The following PPP3CB variants were observed in gnomAD, a reference collection of about 807,000 sequenced individuals.
PPP3CB encodes protein phosphatase 3 catalytic subunit beta.
Under a neutral mutation model 66.4 loss-of-function variants are expected in PPP3CB, and 8 were observed. That is an observed-to-expected ratio of 0.12 (90% CI 0.07 to 0.22). The LOEUF (loss-of-function observed/expected upper bound fraction) is 0.22. Ranked by LOEUF, PPP3CB falls within the 10% of genes least tolerant of loss-of-function variation. PPP3CB has a pLI of 1.00. For missense variants in PPP3CB, 319 were observed against 642.5 expected, an observed-to-expected ratio of 0.50 and a Z score of 5.44; for synonymous variants, 208 against 221.2, an observed-to-expected ratio of 0.94 and a Z score of 0.53.
chr10:73,461,767 G>A (rs994637646), intron 9 of PPP3CB, among the ~76,000 whole-genome samples: 3 of 152,122 alleles, frequency 2.0e-5, no homozygotes, highest in African/African-American at 7.2e-5. Context: ...TGATATTATA[G>A]GGACCATGGG....
At chr10:73,482,797 T>C (rs567221447) in intron 1 of PPP3CB, among the ~76,000 whole-genome samples, 193 of 152,064 alleles carry the variant, frequency 1.3e-3, no homozygotes, top group Non-Finnish European at 2.1e-3. Flanking sequence ...TTTGTATTTT[T>C]AGTAGAGATA....
Position 73,444,574 on chromosome 10 carries a change from C to T in PPP3CB, c.1366+151G>A, listed in dbSNP as rs894269363. On this transcript the variant is annotated intron_variant, in intron 12 of 13. Transcript: ENST00000360663. ...GCCCTGATCAGGTATTAATGAGACA[C>T]TAGCTAATACAGTACCCTGTCTAGG... 1.9e-6 allele frequency: 3 copies of T among 1,549,602 alleles called. No homozygotes were observed. The African/African-American group carries it at 4.1e-5, about 21-fold the overall frequency.
chr10:73,477,029 G>A, intron 3 of PPP3CB: 1 of 400,584 alleles, frequency 2.5e-6, no homozygotes, highest in Non-Finnish European at 4.9e-6. Context: ...AGGGAAGGTG[G>A]TTAAAAGCAT....
chr10:73,438,322 CA>C lies in PPP3CB; in HGVS notation c.1494del (p.Val499TyrfsTer9). On this transcript the variant is annotated frameshift_variant, in exon 14 of 14. Coordinates refer to ENST00000360663, the MANE Select transcript of PPP3CB (RefSeq NM_021132.4). LOFTEE classifies it high-confidence loss of function. ...INERMPPRKD[A>X]VQQDGFNSLN... is the part of the protein sequence containing the mutation. ...AGAGAATTGAAACCATCTTGCTGTA[CA>C]GCATCTTTCCGAGGTGGCATTCTCT... The C allele has an allele frequency of 6.2e-7, 1 of 1,614,140 alleles. No homozygotes were observed. The highest frequency in any genetic ancestry group is 8.5e-7 in the Non-Finnish European group (1 of 1,179,992).
intron 4 of PPP3CB, 126 bp from the exon 5 acceptor site, chr10:73,471,739 T>C (rs940157707): frequency 1.8e-5 from 13 of 727,912 alleles, no homozygotes; most frequent in Non-Finnish European, 2.1e-6. Context: ...CTATTTATAA[T>C]GAAATTGAGA....
intron 10 of PPP3CB, among the ~76,000 whole-genome samples, chr10:73,449,787 T>C (rs1418158962): frequency 6.6e-6 from 1 of 151,734 alleles, no homozygotes; most frequent in Non-Finnish European, 1.5e-5. Flanking sequence ...TCTTATGCCT[T>C]TACCTAATCT....
intron 9 of PPP3CB, among the ~76,000 whole-genome samples, chr10:73,466,538 A>T (rs1465420431): frequency 6.6e-6 from 1 of 152,204 alleles, no homozygotes; most frequent in Non-Finnish European, 1.5e-5. Context: ...AGTGTAATGC[A>T]TCCCTTGCAC....
At chr10:73,443,312 G>GAAAGAA (rs2056190495) in intron 12 of PPP3CB, among the ~76,000 whole-genome samples, 1 of 131,680 alleles carries the variant, frequency 7.6e-6, no homozygotes, top group Admixed American at 7.5e-5. Flanking sequence ...AAGAAAGAAA[G>GAAAGAA]AAAGAAAGAA....
At position 73,483,625 on chromosome 10, in the gene PPP3CB, C is replaced by T. The variant is rs1386707956; in HGVS notation, c.86-4108G>A. 2.0e-5 allele frequency among the ~76,000 whole-genome samples: 3 copies of T among 151,936 alleles called. No homozygotes were observed. The South Asian group carries it at 6.2e-4, about 32-fold the overall frequency. On this transcript the variant is annotated intron_variant, in intron 1 of 13. Coordinates refer to ENST00000360663, the MANE Select transcript of PPP3CB (RefSeq NM_021132.4). ...TGGGCCGAGATCATGCCAGTGCATT[C>T]CAGCCTGGGAGACAGAGCAAGACTC... is the stretch of plus-strand genomic sequence containing the variant.
At chr10:73,479,206 T>G (rs1228621538) in intron 2 of PPP3CB, 111 bp downstream of exon 2, 2 of 999,626 alleles carry the variant, frequency 2.0e-6, no homozygotes, top group African/African-American at 3.2e-5. Context: ...CAAGATAATG[T>G]CCAAGTAATA....
Position 73,470,839 on chromosome 10 carries a change from G to C in PPP3CB, c.887+48C>G, listed in dbSNP as rs372861810. On this transcript the variant is annotated intron_variant, in intron 7 of 13. Transcript: ENST00000360663. The stretch of plus-strand genomic sequence containing the variant: ...AGCATCAATCATGGTTACTAAGTTT[G>C]ATTTATATTTTAGGTGTTAATTTGG... 10 of 1,589,514 alleles carry C rather than the reference G, an allele frequency of 6.3e-6. No individual in the cohort carries two copies. The South Asian group carries it at 1.1e-4, about 18-fold the overall frequency.
At chr10:73,450,978 ATCT>A (rs1393931367) in intron 10 of PPP3CB, among the ~76,000 whole-genome samples, 2 of 152,068 alleles carry the variant, frequency 1.3e-5, no homozygotes, top group African/African-American at 4.8e-5. Context: ...GATATATAAA[ATCT>A]TCTCATTAGA....
intron 10 of PPP3CB, among the ~76,000 whole-genome samples, chr10:73,450,174 A>G (rs1439676234): frequency 6.6e-6 from 1 of 152,158 alleles, no homozygotes; most frequent in Non-Finnish European, 1.5e-5. Flanking sequence ...CTCTTTCCCC[A>G]AAGAAAAACT....
At chr10:73,476,057 C>T (rs907032312) in intron 3 of PPP3CB, among the ~76,000 whole-genome samples, 1 of 146,638 alleles carries the variant, frequency 6.8e-6, no homozygotes, top group Non-Finnish European at 1.5e-5. Context: ...GACAGGGTTT[C>T]ACCATGTTTC....
intron 8 of PPP3CB, among the ~76,000 whole-genome samples, chr10:73,468,813 ATCAGT>A (rs2056659810): frequency 1.3e-5 from 2 of 152,220 alleles, no homozygotes; most frequent in Admixed American, 6.5e-5. Context: ...TGTTTTGACA[ATCAGT>A]TCAAAGTGGG....
At chr10:73,469,727 C>T (rs975814632) in intron 8 of PPP3CB, among the ~76,000 whole-genome samples, 3 of 152,208 alleles carry the variant, frequency 2.0e-5, no homozygotes, top group South Asian at 2.1e-4. Flanking sequence ...TCCAAAAAAA[C>T]TTCCTCTGTT....
intron 8 of PPP3CB, among the ~76,000 whole-genome samples, chr10:73,468,888 T>A (rs2056661143): frequency 1.3e-5 from 2 of 152,370 alleles, no homozygotes; most frequent in Non-Finnish European, 2.9e-5. Context: ...CTTTCAGATC[T>A]TTTGTAAGGG....
chr10:73,474,433 AAATT>A (rs2056755968), intron 4 of PPP3CB, among the ~76,000 whole-genome samples: 1 of 150,892 alleles, frequency 6.6e-6, no homozygotes, highest in Non-Finnish European at 1.5e-5. Context: ...AAATGAAAAA[AAATT>A]TTTTTTTTTG....
At position 73,485,952 on chromosome 10, in the gene PPP3CB, A is replaced by ATT. The variant is rs1554826087; in HGVS notation, c.86-6437_86-6436dup. 3.0e-4 allele frequency among the ~76,000 whole-genome samples: 20 copies of ATT among 65,878 alleles called. No homozygotes were observed. In the East Asian group the frequency reaches 8.3e-3, roughly 27 times the overall value. 43.2% of individuals were successfully genotyped at this position (65,878 alleles called of 152,430 possible). On this transcript the variant is annotated intron_variant, in intron 1 of 13. Transcript: ENST00000360663. Reference sequence around the variant, plus strand: ...TGTGTGTGTGTGTGTGTGTGTGTGTATTTTTTTTTTTCAGATGCAGTCTTG... The same window carrying ATT: ...TGTGTGTGTGTGTGTGTGTGTGTGTATTTTTTTTTTTTTCAGATGCAGTCTTG...
Sources: allele counts gnomAD v4.1 joint callset (sites outside exome capture counted in the v4.1 genomes callset), GRCh38; gene constraint gnomAD v4.1.1; transcripts MANE v1.5; gene names NCBI Gene and HGNC (gene_info 2026-07-23, HGNC 2026-07-21).